The following ARID1B variants were observed in gnomAD, a reference collection of about 807,000 sequenced individuals.
The protein encoded by ARID1B is AT-rich interactive domain-containing protein 1B.
ARID1B carries 30 observed loss-of-function variants against 212.3 expected under a neutral mutation model. The ratio of observed to expected loss-of-function variants is 0.14; its 90% CI spans 0.11 to 0.19. The LOEUF is 0.19. ARID1B is among the 10% of genes least tolerant of loss of function. ARID1B has a pLI of 1.00. For synonymous variants in ARID1B, 1,402 were observed against 1,301.7 expected (o/e 1.08, Z -1.66); for missense variants, 2,891 against 3,204.0 (o/e 0.90, Z 2.36).
intron 8 of ARID1B, among the ~76,000 whole-genome samples, chr6:157,161,187 C>A (rs919416775): frequency 2.6e-5 from 4 of 152,104 alleles, no homozygotes; most frequent in African/African-American, 9.7e-5. Flanking sequence ...TGGTTATATA[C>A]TTTTACACGA....
rs893177679 is a variant in ARID1B at position 157,209,103 on chromosome 6, AT to A, written c.*1215del. The A allele has an allele frequency of 1.3e-5, 3 of 229,996 alleles. No homozygotes were observed. The highest frequency in any genetic ancestry group is 2.6e-5 in the Non-Finnish European group (3 of 116,070). 14.2% of individuals were successfully genotyped at this position (229,996 alleles called of 1,614,324 possible). A position where few individuals can be genotyped will look rare whatever the true frequency, so the allele number is the denominator to read the frequency against. On this transcript the variant is annotated 3_prime_UTR_variant, in exon 20 of 20. Coordinates refer to ENST00000636930, the MANE Select transcript of ARID1B (RefSeq NM_001374828.1). ...AGATTTTTCAGTGATGAGAATCCAC[AT>A]TTGTATTTCAAGATAATGTAGTTTA...
chr6:156,910,397 A>G (rs1447149449), intron 3 of ARID1B, among the ~76,000 whole-genome samples: 1 of 152,194 alleles, frequency 6.6e-6, no homozygotes, highest in Non-Finnish European at 1.5e-5. Context: ...AATGATGGGT[A>G]TAGCCCTTCT....
chr6:156,836,385 G>A (rs1169204932), intron 2 of ARID1B, among the ~76,000 whole-genome samples: 5 of 152,144 alleles, frequency 3.3e-5, no homozygotes, highest in Admixed American at 6.5e-5. Flanking sequence ...GCAAGCGGGG[G>A]CAGCTCACAC....
intron 1 of ARID1B, among the ~76,000 whole-genome samples, chr6:156,794,262 T>G (rs1426838923): frequency 6.6e-6 from 1 of 152,154 alleles, no homozygotes; most frequent in Non-Finnish European, 1.5e-5. Flanking sequence ...TTCTTTTCTT[T>G]TTTTGGAGAC....
chr6:156,848,523 A>G (rs1784372708), intron 2 of ARID1B, among the ~76,000 whole-genome samples: 1 of 152,218 alleles, frequency 6.6e-6, no homozygotes, highest in South Asian at 2.1e-4. Context: ...TTATCTTTTA[A>G]TGTCTTCATC....
rs142921164 is a variant in ARID1B, at chr6:157,067,864, G to C, written c.2248-16798G>C. ...TGTAATTGCAGAGTGTACATGGTCAGCTTCTCCATAGGTGGAGTTAATTCC... is the reference window on the plus strand; with the variant it reads ...TGTAATTGCAGAGTGTACATGGTCACCTTCTCCATAGGTGGAGTTAATTCC... On this transcript the variant is annotated intron_variant, in intron 4 of 19. Coordinates refer to ENST00000636930, the MANE Select transcript of ARID1B (RefSeq NM_001374828.1). Among the ~76,000 whole-genome samples the C allele has an allele frequency of 7.9e-5, 12 of 152,228 alleles. No individual in the cohort carries two copies. In the East Asian group the frequency reaches 2.3e-3, roughly 29 times the overall value.
rs1785464154 is a variant in ARID1B at position 157,094,214 on chromosome 6, G to A, written c.2491+9309G>A. ...CTCAAAGGCCCTGAGTTAGTATTGT[G>A]CTTAGTGTGTTGGGCGGCGAACACC... is the stretch of plus-strand genomic sequence containing the variant. On this transcript the variant is annotated intron_variant, in intron 5 of 19. Transcript: ENST00000636930. This position sits in a 1 kb window ranked among gnomAD's most constrained non-coding sequence, Gnocchi z 4.3. Among the ~76,000 whole-genome samples the A allele has an allele frequency of 6.6e-6, 1 of 152,154 alleles. No homozygotes were observed. The highest frequency in any genetic ancestry group is 2.4e-5 in the African/African-American group (1 of 41,434).
chr6:157,056,061 C>G (rs1033999412), intron 4 of ARID1B, among the ~76,000 whole-genome samples: 1 of 152,124 alleles, frequency 6.6e-6, no homozygotes, highest in Non-Finnish European at 1.5e-5. Context: ...TGATTAGGGA[C>G]CTTAATTACA....
chr6:156,979,416 G>A (rs1425556904), intron 4 of ARID1B, among the ~76,000 whole-genome samples: 2 of 152,150 alleles, frequency 1.3e-5, no homozygotes, highest in Non-Finnish European at 2.9e-5. Flanking sequence ...AGTTTGGGAG[G>A]ACAGGACAAT....
At chr6:156,919,965 G>T (rs1790650928) in intron 3 of ARID1B, among the ~76,000 whole-genome samples, 1 of 152,238 alleles carries the variant, frequency 6.6e-6, no homozygotes, top group Admixed American at 6.5e-5. Flanking sequence ...ATAACTAACT[G>T]TAGGTGGGTG....
intron 2 of ARID1B, among the ~76,000 whole-genome samples, chr6:156,881,555 T>C (rs1326233003): frequency 6.6e-6 from 1 of 152,230 alleles, no homozygotes; most frequent in Non-Finnish European, 1.5e-5. Context: ...GCATCATTCC[T>C]TCTCAGAGCC....
intron 5 of ARID1B, among the ~76,000 whole-genome samples, chr6:157,103,264 A>C (rs112282065): frequency 4.6e-5 from 7 of 152,218 alleles, no homozygotes; most frequent in African/African-American, 1.7e-4. Context: ...TTTTTCAACA[A>C]ATACTTATTG....
At chr6:156,777,075 C>G (rs1208094666), upstream of ARID1B, 1 of 152,290 alleles carries the variant, frequency 6.6e-6, no homozygotes, top group Non-Finnish European at 1.5e-5. Flanking sequence ...TCGTTTTCCA[C>G]CTTTGTATCG....
intron 4 of ARID1B, among the ~76,000 whole-genome samples, chr6:156,974,914 T>C (rs369286945): frequency 2.0e-5 from 3 of 152,354 alleles, no homozygotes; most frequent in South Asian, 2.1e-4. Flanking sequence ...CACATATTTA[T>C]TTTATCTACC....
chr6:157,074,025 A>G (rs1784151213), intron 4 of ARID1B, among the ~76,000 whole-genome samples: 1 of 152,218 alleles, frequency 6.6e-6, no homozygotes, highest in Non-Finnish European at 1.5e-5. Context: ...GTCTGGTTCC[A>G]GAGCCCGAAT....
Position 156,779,080 on chromosome 6 carries a change from G to A in ARID1B, c.1400G>A (p.Gly467Asp). 1 of 1,226,498 alleles carries A rather than the reference G, an allele frequency of 8.2e-7. No homozygotes were observed. Among genetic ancestry groups the A allele is most frequent in the Non-Finnish European group, 1.0e-6 (1 of 985,946 alleles). 76.0% of individuals were successfully genotyped at this position (1,226,498 alleles called of 1,614,324 possible). A position where few individuals can be genotyped will look rare whatever the true frequency, so the allele number is the denominator to read the frequency against. Residue 467 changes from glycine to aspartate, a missense_variant, in exon 1 of 20, where the codon GGC becomes GAC. Physicochemically the swap from Gly to Asp is moderately conservative, Grantham distance 94. Transcript: ENST00000636930. ...GGCGGCATGATGATGGGCCCCGGGG[G>A]CGGCGGGGCCGCGAGCCTCAGCAAG... ...QGGGMMMGPGGGGAASLSKAA... is the reference protein window; with the variant it reads ...QGGGMMMGPGDGGAASLSKAA...
chr6:157,196,421 G>GT (rs1422887017), intron 16 of ARID1B, 106 bp downstream of exon 16: 1 of 1,377,828 alleles, frequency 7.3e-7, no homozygotes, highest in African/African-American at 1.5e-5. Context: ...ACAATATACA[G>GT]TGTCCCCTTT....
At chr6:157,159,688 A>G (rs1437461972) in intron 8 of ARID1B, among the ~76,000 whole-genome samples, 1 of 152,246 alleles carries the variant, frequency 6.6e-6, no homozygotes, top group East Asian at 1.9e-4. Context: ...AGCTTCACCA[A>G]GATGCAGGAG....
At chr6:157,022,168 G>A (rs1780349259) in intron 4 of ARID1B, 1 of 151,896 alleles carries the variant, frequency 6.6e-6, no homozygotes, top group African/African-American at 2.4e-5. Flanking sequence ...GGAAGGGGGC[G>A]AGGTGGAGGG....
Sources: allele counts gnomAD v4.1 joint callset (sites outside exome capture counted in the v4.1 genomes callset), GRCh38; gene constraint gnomAD v4.1.1; non-coding constraint Gnocchi (gnomAD v3.1); transcripts MANE v1.5; gene names NCBI Gene and HGNC (gene_info 2026-07-23, HGNC 2026-07-21).